The following XKR9 variants were observed in gnomAD, a reference collection of about 807,000 sequenced individuals.
XKR9 encodes the protein XK-related protein 9.
Under a neutral mutation model 32.0 loss-of-function variants are expected in XKR9, and 32 were observed. The ratio of observed to expected loss-of-function variants is 1.00; its 90% confidence interval spans 0.76 to 1.34. The LOEUF (loss-of-function observed/expected upper bound fraction) is 1.34, where lower values mean the gene tolerates loss of function less well. XKR9 is among the 40% of genes most tolerant of loss of function. The pLI, the probability that XKR9 is intolerant of heterozygous loss-of-function variation, is 0.00. For missense variants in XKR9, 546 were observed against 429.7 expected, an observed-to-expected ratio of 1.27 and a Z score of -2.39; for synonymous variants, 168 against 143.4, an observed-to-expected ratio of 1.17 and a Z score of -1.22.
At chr8:70,741,094 G>A (rs562009146) in intron 2 of XKR9, among the ~76,000 whole-genome samples, 1 of 152,386 alleles carries the variant, frequency 6.6e-6, no homozygotes, top group Admixed American at 6.5e-5. Context: ...GAGGCAGGCA[G>A]GCCTCCTTGA....
At chr8:70,782,996 A>C (rs1807636856) in intron 2 of XKR9, among the ~76,000 whole-genome samples, 1 of 152,162 alleles carries the variant, frequency 6.6e-6, no homozygotes, top group Non-Finnish European at 1.5e-5. Flanking sequence ...GAGAAACCAT[A>C]CAGTTTTCCT....
chr8:70,863,658 C>T, the XKR9 span, among the ~76,000 whole-genome samples: 78 of 152,016 alleles, frequency 5.1e-4, no homozygotes, highest in Non-Finnish European at 9.1e-4. Context: ...TTTACAGGGG[C>T]CCATGAGAAT....
chr8:70,703,805 T>C (rs1038519625), intron 3 of XKR9, among the ~76,000 whole-genome samples: 1 of 152,162 alleles, frequency 6.6e-6, no homozygotes, highest in Non-Finnish European at 1.5e-5. Flanking sequence ...AAAGAAGATA[T>C]AGGGATAAAA....
At chr8:70,758,171 A>G (rs910751129) in intron 2 of XKR9, among the ~76,000 whole-genome samples, 24 of 152,058 alleles carry the variant, frequency 1.6e-4, no homozygotes, top group African/African-American at 5.1e-4. Context: ...TCTCTCTGCT[A>G]TATGACCCCT....
At chr8:70,700,907 G>A (rs535658644) in intron 3 of XKR9, among the ~76,000 whole-genome samples, 1 of 152,328 alleles carries the variant, frequency 6.6e-6, no homozygotes, top group African/African-American at 2.4e-5. Context: ...CCCTCCCCCA[G>A]CCTTGCTGCT....
the XKR9 span, among the ~76,000 whole-genome samples, chr8:70,993,749 G>C: frequency 4.5e-3 from 686 of 151,402 alleles, 9 homozygotes; most frequent in Middle Eastern, 0.014. Context: ...CTCTCTGTCA[G>C]ACCTTTAAAA....
the XKR9 span, among the ~76,000 whole-genome samples, chr8:70,854,160 C>G: frequency 6.6e-6 from 1 of 152,156 alleles, no homozygotes; most frequent in Non-Finnish European, 1.5e-5. Context: ...AAAAGTGTTC[C>G]TATTTCTCCA....
At chr8:70,971,019 T>C in the XKR9 span, among the ~76,000 whole-genome samples, 2 of 152,356 alleles carry the variant, frequency 1.3e-5, no homozygotes, top group Non-Finnish European at 2.9e-5. Context: ...GTTTATGTGG[T>C]ACTTTTAGTT....
At chr8:71,021,737 G>A in the XKR9 span, among the ~76,000 whole-genome samples, 3 of 152,128 alleles carry the variant, frequency 2.0e-5, no homozygotes, top group South Asian at 2.1e-4. Flanking sequence ...TCCTGACCTC[G>A]TGATCCGCCC....
intron 2 of XKR9, among the ~76,000 whole-genome samples, chr8:70,781,823 C>T (rs920244914): frequency 6.6e-6 from 1 of 151,958 alleles, no homozygotes; most frequent in Non-Finnish European, 1.5e-5. Context: ...AAAGTGTGTT[C>T]TGAAAAAATA....
chr8:71,050,236 GATATATAT>G, the XKR9 span, among the ~76,000 whole-genome samples: 22 of 123,570 alleles, frequency 1.8e-4, no homozygotes, highest in African/African-American at 3.2e-4. Flanking sequence ...GCCTGGCAGA[GATATATAT>G]ATATATATAT....
the XKR9 span, among the ~76,000 whole-genome samples, chr8:70,903,806 C>A: frequency 6.6e-6 from 1 of 151,966 alleles, no homozygotes; most frequent in South Asian, 2.1e-4. Context: ...ACACACTGCT[C>A]TAAATATGTC....
the XKR9 span, among the ~76,000 whole-genome samples, chr8:70,981,004 T>C: frequency 6.6e-6 from 1 of 152,244 alleles, no homozygotes; most frequent in African/African-American, 2.4e-5. Context: ...TGCTGAGAAA[T>C]CTGCTGTTAA....
chr8:70,792,524 AAAAG>A (rs1807777427), downstream of XKR9, among the ~76,000 whole-genome samples: 1 of 152,142 alleles, frequency 6.6e-6, no homozygotes, highest in South Asian at 2.1e-4. Flanking sequence ...ATCAGTCAAC[AAAAG>A]AAAGAAATGA....
chr8:70,729,369 G>A (rs1806585184), intron 4 of XKR9, among the ~76,000 whole-genome samples: 1 of 152,158 alleles, frequency 6.6e-6, no homozygotes, highest in Admixed American at 6.5e-5. Context: ...AGGATCAGCA[G>A]TGTTTTATGC....
chr8:70,847,481 T>C, the XKR9 span, among the ~76,000 whole-genome samples: 1 of 151,150 alleles, frequency 6.6e-6, no homozygotes, highest in African/African-American at 2.4e-5. Context: ...ATAATGAAGA[T>C]CAGAGTATAA....
At chr8:70,738,990 T>C (rs1286644827), downstream of XKR9, among the ~76,000 whole-genome samples, 1 of 152,210 alleles carries the variant, frequency 6.6e-6, no homozygotes, top group Non-Finnish European at 1.5e-5. Context: ...TTAGGTCCGC[T>C]TGGTGCAGAG....
At chr8:70,725,423 C>T (rs1806430879) in intron 4 of XKR9, among the ~76,000 whole-genome samples, 1 of 151,996 alleles carries the variant, frequency 6.6e-6, no homozygotes, top group Admixed American at 6.6e-5. Context: ...AAAATAAATT[C>T]AGCACAATAT....
chr8:70,757,527 ATCTT>A (rs1807244196), intron 2 of XKR9, among the ~76,000 whole-genome samples: 1 of 151,770 alleles, frequency 6.6e-6, no homozygotes, highest in Non-Finnish European at 1.5e-5. Flanking sequence ...TTGTCAATAT[ATCTT>A]TCTTTACTTC....
Sources: allele counts gnomAD v4.1 joint callset (sites outside exome capture counted in the v4.1 genomes callset), GRCh38; gene constraint gnomAD v4.1.1; transcripts MANE v1.5; gene names NCBI Gene and HGNC (gene_info 2026-07-23, HGNC 2026-07-21).